The following ZBTB16 variants were observed in gnomAD, a reference collection of about 807,000 sequenced individuals.
ZBTB16 encodes the protein zinc finger and BTB domain-containing protein 16.
A neutral mutation model predicts 56.8 loss-of-function variants in ZBTB16; 8 were observed. That is an observed-to-expected ratio of 0.14 (90% CI 0.08 to 0.25). The LOEUF (loss-of-function observed/expected upper bound fraction) is 0.25. ZBTB16 is among the 10% of genes least tolerant of loss of function. The pLI, the probability that ZBTB16 is intolerant of heterozygous loss-of-function variation, is 1.00. For synonymous variants in ZBTB16, 363 were observed against 368.5 expected, an observed-to-expected ratio of 0.98 and a Z score of 0.17; for missense variants, 625 against 903.0, an observed-to-expected ratio of 0.69 and a Z score of 3.95.
rs1939255935 is a variant in ZBTB16 at position 114,069,642 on chromosome 11, T to C, written c.1268+5074T>C. Among the ~76,000 whole-genome samples, 6 of 152,246 alleles carry C rather than the reference T, an allele frequency of 3.9e-5. No homozygotes were observed. In the South Asian group the frequency reaches 1.2e-3, roughly 32 times the overall value. On this transcript the variant is annotated intron_variant, in intron 2 of 6. Coordinates refer to ENST00000335953, the MANE Select transcript of ZBTB16 (RefSeq NM_006006.6). ...TTGGTTTAGGCTACTTTTGGGATTT[T>C]TGAGGTTTCCTGAGACTCTTGGTTT...
In ZBTB16 at chr11:114,250,180, G is replaced by A. The variant is rs933709332; in HGVS notation, c.1793-146G>A. 3.8e-5 allele frequency: 31 copies of A among 808,884 alleles called. No homozygotes were observed. The Admixed American group carries it at 4.2e-4, about 11-fold the overall frequency. The allele number at this position is 808,884 out of a possible 1,614,324, so 50.1% of individuals were successfully genotyped here. On this transcript the variant is annotated intron_variant, in intron 6 of 6. Coordinates refer to ENST00000335953, the MANE Select transcript of ZBTB16 (RefSeq NM_006006.6). The surrounding 1 kb of genome is among the most constrained non-coding windows in gnomAD (Gnocchi z 6.0). Reference sequence around the variant, plus strand: ...GTGTGACTGGTGGCTGCCGTCTTGGGTGGTGCCTTCATTGTCCCAGAAAGT... The same window carrying A: ...GTGTGACTGGTGGCTGCCGTCTTGGATGGTGCCTTCATTGTCCCAGAAAGT...
intron 5 of ZBTB16, among the ~76,000 whole-genome samples, chr11:114,245,480 A>G (rs1202353696): frequency 6.6e-6 from 1 of 152,190 alleles, no homozygotes; most frequent in Non-Finnish European, 1.5e-5. Flanking sequence ...CGCTCCCCTC[A>G]GAGCCCTAAA....
chr11:114,089,371 C>A (rs576193407), intron 2 of ZBTB16, among the ~76,000 whole-genome samples: 4 of 152,164 alleles, frequency 2.6e-5, no homozygotes, highest in African/African-American at 9.7e-5. Context: ...ATTTGGTTAA[C>A]CCAGTTGTTA....
chr11:114,196,993 G>A (rs1428839789), intron 4 of ZBTB16, among the ~76,000 whole-genome samples: 3 of 152,070 alleles, frequency 2.0e-5, no homozygotes, highest in Admixed American at 6.6e-5. Context: ...TTCCCTCCCT[G>A]TGGGGGCCTG....
rs148946890 is a variant in ZBTB16, at chr11:114,206,276, C to G, written c.1453+19238C>G. Among the ~76,000 whole-genome samples the G allele has an allele frequency of 6.6e-3, 1,001 of 152,282 alleles. 27 individuals carry two copies. The highest frequency in any genetic ancestry group is 0.028 in the Admixed American group (434 of 15,296). ...AGACTCCTAGACTGCAGAACTGTTG[C>G]AAGGGGCTTTAGGGAGCATGATGCT... is the stretch of plus-strand genomic sequence containing the variant. On this transcript the variant is annotated intron_variant, in intron 4 of 6. Transcript: ENST00000335953.
At chr11:114,067,448 C>T (rs555785180) in intron 2 of ZBTB16, among the ~76,000 whole-genome samples, 170 of 152,182 alleles carry the variant, frequency 1.1e-3, no homozygotes, top group Non-Finnish European at 1.8e-3. Flanking sequence ...ACTCTGTCGC[C>T]CAGGCTGCAG....
chr11:114,222,299 T>G (rs1944244975), intron 4 of ZBTB16, among the ~76,000 whole-genome samples: 1 of 152,208 alleles, frequency 6.6e-6, no homozygotes, highest in South Asian at 2.1e-4. Flanking sequence ...CAGTGGCCTC[T>G]TGGACTAGCC....
At chr11:114,109,474 G>A (rs1314717024) in intron 2 of ZBTB16, among the ~76,000 whole-genome samples, 1 of 152,162 alleles carries the variant, frequency 6.6e-6, no homozygotes, top group African/African-American at 2.4e-5. Context: ...GGAGGTTGGT[G>A]GAGTTCTCCA....
chr11:114,077,533 C>T (rs1214156219), intron 2 of ZBTB16, among the ~76,000 whole-genome samples: 1 of 152,120 alleles, frequency 6.6e-6, no homozygotes, highest in South Asian at 2.1e-4. Context: ...TTCTCTTTCT[C>T]TCAATTAGTC....
chr11:114,248,380 G>C (rs1191880288), intron 6 of ZBTB16, among the ~76,000 whole-genome samples: 2 of 152,200 alleles, frequency 1.3e-5, no homozygotes, highest in African/African-American at 2.4e-5. Flanking sequence ...CACCACCTTA[G>C]TTGCTTAAAA....
chr11:114,230,019 C>T (rs777401000), intron 4 of ZBTB16, among the ~76,000 whole-genome samples: 4 of 151,954 alleles, frequency 2.6e-5, no homozygotes, highest in Admixed American at 6.6e-5. Context: ...CGGAGAAGGC[C>T]GTGGGGCAGG....
intron 2 of ZBTB16, among the ~76,000 whole-genome samples, chr11:114,151,457 G>A (rs908017243): frequency 1.3e-5 from 2 of 152,118 alleles, no homozygotes; most frequent in Non-Finnish European, 2.9e-5. Context: ...GCAGTGGGTA[G>A]TCCAGCTGTG....
chr11:114,163,183 A>C, intron 3 of ZBTB16, among the ~76,000 whole-genome samples: 1 of 143,090 alleles, frequency 7.0e-6, no homozygotes, highest in African/African-American at 2.5e-5. Flanking sequence ...TCTCCCCCCA[A>C]CCCGTCCTCA....
chr11:114,127,256 C>T (rs941682503), intron 2 of ZBTB16, among the ~76,000 whole-genome samples: 4 of 152,152 alleles, frequency 2.6e-5, no homozygotes, highest in Middle Eastern at 3.2e-3. Context: ...CCAGCCTAGA[C>T]GTCTCTTCTC....
chr11:114,213,903 G>A (rs940291814), intron 4 of ZBTB16, among the ~76,000 whole-genome samples: 1 of 152,162 alleles, frequency 6.6e-6, no homozygotes, highest in Non-Finnish European at 1.5e-5. Flanking sequence ...ATGAATGACT[G>A]CAGAGTTCAC....
chr11:114,061,627 T>A (rs1938874669), intron 1 of ZBTB16: 1 of 152,262 alleles, frequency 6.6e-6, no homozygotes, highest in Non-Finnish European at 1.5e-5. Context: ...GTGCATTCAC[T>A]GCAATATTGG....
At chr11:114,193,962 T>G (rs1943553892) in intron 4 of ZBTB16, among the ~76,000 whole-genome samples, 1 of 152,236 alleles carries the variant, frequency 6.6e-6, no homozygotes, top group Non-Finnish European at 1.5e-5. Context: ...ACTCAAGTGT[T>G]CTTTCTACTA....
At chr11:114,132,655 T>C (rs1941695867) in intron 2 of ZBTB16, among the ~76,000 whole-genome samples, 1 of 152,206 alleles carries the variant, frequency 6.6e-6, no homozygotes, top group Admixed American at 6.5e-5. Flanking sequence ...GCTCTGGATA[T>C]TGTTCCATTG....
In ZBTB16 at chr11:114,143,238, A is replaced by C. The variant is rs1269444518; in HGVS notation, c.1269-13099A>C. Among the ~76,000 whole-genome samples the C allele has an allele frequency of 6.6e-6, 1 of 152,188 alleles. No homozygotes were observed. Among genetic ancestry groups the C allele is most frequent in the Non-Finnish European group, 1.5e-5 (1 of 68,036 alleles). On this transcript the variant is annotated intron_variant, in intron 2 of 6. Transcript: ENST00000335953. The surrounding 1 kb of genome is among the most constrained non-coding windows in gnomAD (Gnocchi z 6.4). ...ATTACCCACTGTACAGCCAAGATGC[A>C]TCCACCCCTCATCCATCCACTAATG...
Sources: gnomAD v4.1 joint callset for allele counts (sites outside exome capture counted in the v4.1 genomes callset) on GRCh38, gnomAD v4.1.1 for gene constraint, Gnocchi (gnomAD v3.1) non-coding constraint, MANE v1.5 for transcripts, NCBI Gene and HGNC (gene_info 2026-07-23, HGNC 2026-07-21) for gene names.